The following RAC1 variants were observed in gnomAD, a reference collection of about 807,000 sequenced individuals.
RAC1 encodes the protein ras-related C3 botulinum toxin substrate 1.
A neutral mutation model predicts 25.2 loss-of-function variants in RAC1; 2 were observed. That is an observed-to-expected ratio of 0.08 (90% CI 0.03 to 0.25). The LOEUF (loss-of-function observed/expected upper bound fraction) is 0.25, where lower values mean the gene tolerates loss of function less well. Among genes scored for constraint, RAC1 ranks in the 10% least tolerant of loss-of-function variants. RAC1 has a pLI of 1.00. For missense variants in RAC1, 50 were observed against 235.7 expected (o/e 0.21, Z 5.16); for synonymous variants, 88 against 94.0 (o/e 0.94, Z 0.37).
chr7:6,378,980 C>A (rs1782685874), intron 1 of RAC1, among the ~76,000 whole-genome samples: 1 of 151,996 alleles, frequency 6.6e-6, no homozygotes, highest in South Asian at 2.1e-4. Context: ...ATCCTAGCTA[C>A]TCGGGAGGCT....
intron 3 of RAC1, among the ~76,000 whole-genome samples, chr7:6,393,005 A>G (rs1254296539): frequency 1.3e-5 from 2 of 152,172 alleles, no homozygotes; most frequent in African/African-American, 2.4e-5. Context: ...GGGTCGGCCT[A>G]AAGAGTGCTG....
At chr7:6,377,387 A>C (rs1044726697) in intron 1 of RAC1, among the ~76,000 whole-genome samples, 2 of 152,028 alleles carry the variant, frequency 1.3e-5, no homozygotes, top group Admixed American at 1.3e-4. Flanking sequence ...AGAGCTTAGG[A>C]GTTCAAGACC....
chr7:6,402,057 T>C (rs2303364), intron 5 of RAC1, 30 bp downstream of exon 5: 114,566 of 1,602,402 alleles, frequency 0.071, 10,798 homozygotes, highest in East Asian at 0.54. Context: ...TCCTCCTCCT[T>C]GTACCTCTTT....
chr7:6,383,337 C>G (rs1782826521), intron 1 of RAC1, among the ~76,000 whole-genome samples: 2 of 152,112 alleles, frequency 1.3e-5, no homozygotes, highest in African/African-American at 4.8e-5. Flanking sequence ...TTTTCTTTTA[C>G]CTATTTGAAT....
intron 1 of RAC1, among the ~76,000 whole-genome samples, chr7:6,385,058 A>C (rs1583261203): frequency 6.6e-6 from 1 of 152,066 alleles, no homozygotes; most frequent in Non-Finnish European, 1.5e-5. Context: ...CACCCACCTC[A>C]GCCTCCCAAA....
At chr7:6,387,068 G>A (rs545391813) in intron 1 of RAC1, 144 bp from the exon 2 acceptor site, 1 of 567,362 alleles carries the variant, frequency 1.8e-6, no homozygotes, top group Admixed American at 3.7e-5. Flanking sequence ...TGGTGATAAA[G>A]GGTTATAGAA....
chr7:6,375,651 T>C (rs1345839924), intron 1 of RAC1, among the ~76,000 whole-genome samples: 3 of 151,678 alleles, frequency 2.0e-5, no homozygotes, highest in African/African-American at 4.9e-5. Context: ...TGGGGGACTG[T>C]TTTTTCTTTT....
intron 4 of RAC1, 118 bp downstream of exon 4, chr7:6,400,306 G>C: frequency 1.0e-6 from 1 of 1,002,606 alleles, no homozygotes; most frequent in Non-Finnish European, 1.5e-6. Flanking sequence ...TTAGCAATTT[G>C]CTACTTAAGT....
rs564799473 is a variant in RAC1 at position 6,399,863 on chromosome 7, G to C, written c.226-263G>C. 9.9e-6 allele frequency: 5 copies of C among 506,308 alleles called. No homozygotes were observed. The East Asian group carries it at 1.6e-4, about 16-fold the overall frequency. 31.4% of individuals were successfully genotyped at this position (506,308 alleles called of 1,614,324 possible). A position where few individuals can be genotyped will look rare whatever the true frequency, so the allele number is the denominator to read the frequency against. On this transcript the variant is annotated intron_variant, in intron 3 of 5. Transcript: ENST00000348035. ...AGGAAGCCTCCTGAGGGTCTGGTCT[G>C]ATCCTCCTGATCCTTGAAGAGCTTC...
chr7:6,384,617 A>G (rs140557446), intron 1 of RAC1, among the ~76,000 whole-genome samples: 43 of 152,166 alleles, frequency 2.8e-4, no homozygotes, highest in African/African-American at 8.7e-4. Flanking sequence ...AGCTGGGACT[A>G]CAGGCAAGAG....
intron 3 of RAC1, chr7:6,398,577 TA>T: frequency 8.2e-7 from 1 of 1,218,864 alleles, no homozygotes; most frequent in Non-Finnish European, 1.2e-6. Context: ...GACAAAATTC[TA>T]ATAAAGAATC....
At chr7:6,382,025 G>A (rs1022139726) in intron 1 of RAC1, among the ~76,000 whole-genome samples, 3 of 151,852 alleles carry the variant, frequency 2.0e-5, no homozygotes, top group South Asian at 2.1e-4. Flanking sequence ...AGAGAGTCTC[G>A]CTCTGTTGCT....
chr7:6,376,629 G>A (rs1583255404), intron 1 of RAC1, among the ~76,000 whole-genome samples: 1 of 147,650 alleles, frequency 6.8e-6, no homozygotes, highest in Non-Finnish European at 1.5e-5. Flanking sequence ...AGTCTCCCAA[G>A]TAGCTGGGAT....
intron 2 of RAC1, among the ~76,000 whole-genome samples, chr7:6,390,552 A>C (rs1249834744): frequency 6.6e-6 from 1 of 151,674 alleles, no homozygotes; most frequent in African/African-American, 2.4e-5. Context: ...GTGAGCCGAG[A>C]TCGCACCACT....
In RAC1 at chr7:6,402,310, C is replaced by CT; in HGVS notation, c.449-5dup. 6.2e-7 allele frequency: 1 copy of CT among 1,603,036 alleles called. No homozygotes were observed. The highest frequency in any genetic ancestry group is 8.5e-7 in the Non-Finnish European group (1 of 1,175,086). On this transcript the variant is annotated splice_polypyrimidine_tract_variant and splice_region_variant and intron_variant, in intron 5 of 5. Transcript: ENST00000348035. ...GTACATTGCCGTGTGGTCGTGTTTC[C>CT]TGTAGGTGCTGTAAAATACCTGGAG...
intron 2 of RAC1, among the ~76,000 whole-genome samples, chr7:6,388,936 C>G (rs1183373810): frequency 6.6e-6 from 1 of 152,058 alleles, no homozygotes; most frequent in African/African-American, 2.4e-5. Context: ...CGTGATTGCT[C>G]ACGCCTGTAA....
chr7:6,376,982 C>A (rs1031055326), intron 1 of RAC1, among the ~76,000 whole-genome samples: 1 of 151,958 alleles, frequency 6.6e-6, no homozygotes, highest in South Asian at 2.1e-4. Context: ...CACCCCACCG[C>A]TTACATGGGG....
chr7:6,389,862 GA>G (rs1335613190), intron 2 of RAC1, among the ~76,000 whole-genome samples: 1 of 152,000 alleles, frequency 6.6e-6, no homozygotes, highest in East Asian at 1.9e-4. Context: ...AGTCTCTTGT[GA>G]ATTGTCTGTT....
chr7:6,396,771 C>T (rs1312507832), intron 3 of RAC1, among the ~76,000 whole-genome samples: 1 of 152,172 alleles, frequency 6.6e-6, no homozygotes, highest in East Asian at 1.9e-4. Context: ...TGGCTCACGC[C>T]TGTAATCCCA....
Sources: allele counts gnomAD v4.1 joint callset (sites outside exome capture counted in the v4.1 genomes callset), GRCh38; gene constraint gnomAD v4.1.1; transcripts MANE v1.5; gene names NCBI Gene and HGNC (gene_info 2026-07-23, HGNC 2026-07-21).